Variants in NR6A1 observed in about 807,000 individuals in gnomAD.
The protein encoded by NR6A1 is retinoic acid receptor-related testis-associated receptor.
A neutral mutation model predicts 59.1 loss-of-function variants in NR6A1; 7 were observed. The observed-to-expected ratio is 0.12, with a 90% CI of 0.07 to 0.22. NR6A1 has a LOEUF of 0.22. Ranked by LOEUF, NR6A1 falls within the 10% of genes least tolerant of loss-of-function variation. The pLI, the probability that NR6A1 is intolerant of heterozygous loss-of-function variation, is 1.00. For synonymous variants in NR6A1, 243 were observed against 236.1 expected (o/e 1.03, Z -0.27); for missense variants, 468 against 611.6 (o/e 0.77, Z 2.48).
chr9:124,533,851 A>C (rs1445144043), intron 7 of NR6A1, among the ~76,000 whole-genome samples: 1 of 151,666 alleles, frequency 6.6e-6, no homozygotes, highest in Non-Finnish European at 1.5e-5. Context: ...GGGTTTCACC[A>C]TGTTAGCCAG....
intron 1 of NR6A1, among the ~76,000 whole-genome samples, chr9:124,765,316 G>A (rs1319864661): frequency 6.6e-6 from 1 of 152,112 alleles, no homozygotes; most frequent in South Asian, 2.1e-4. Flanking sequence ...TTTATAATTA[G>A]AATCATTTCT....
At chr9:124,568,179 A>AAG (rs1447598284) in intron 2 of NR6A1, among the ~76,000 whole-genome samples, 6 of 144,354 alleles carry the variant, frequency 4.2e-5, no homozygotes, top group Non-Finnish European at 7.5e-5. Flanking sequence ...CAAAAAAAAA[A>AAG]AAAAAAAAAA....
intron 2 of NR6A1, among the ~76,000 whole-genome samples, chr9:124,725,383 A>G (rs1377483084): frequency 6.6e-6 from 1 of 151,512 alleles, no homozygotes; most frequent in Non-Finnish European, 1.5e-5. Context: ...TTATCACACT[A>G]AAGGTATTTA....
At chr9:124,752,985 G>A (rs898094563) in intron 1 of NR6A1, among the ~76,000 whole-genome samples, 1 of 152,152 alleles carries the variant, frequency 6.6e-6, no homozygotes, top group Admixed American at 6.5e-5. Context: ...TAGGCAGTAA[G>A]GCCTGTGGGA....
At chr9:124,574,216 T>C (rs1034029090) in intron 2 of NR6A1, among the ~76,000 whole-genome samples, 1 of 152,212 alleles carries the variant, frequency 6.6e-6, no homozygotes, top group Non-Finnish European at 1.5e-5. Flanking sequence ...AATGGGTATA[T>C]GTATGAATGA....
At chr9:124,669,426 A>G (rs1339973791) in intron 2 of NR6A1, among the ~76,000 whole-genome samples, 3 of 152,186 alleles carry the variant, frequency 2.0e-5, no homozygotes, top group African/African-American at 7.2e-5. Context: ...TATATAAGAG[A>G]CTCAAAGTTG....
In NR6A1 at chr9:124,661,311, C is replaced by T. The variant is rs530919261; in HGVS notation, c.142+71997G>A. ...AGTGAATGAGGGAGAGATACTTCTC[C>T]AATCTCAAGAAACGAGCAGGGGGAA... On this transcript the variant is annotated intron_variant, in intron 2 of 9. Coordinates refer to ENST00000487099, the MANE Select transcript of NR6A1 (RefSeq NM_033334.4). 3.9e-5 allele frequency among the ~76,000 whole-genome samples: 6 copies of T among 152,274 alleles called. 1 individual carries two copies. In the South Asian group the frequency reaches 1.2e-3, roughly 32 times the overall value.
chr9:124,611,323 A>C (rs1835736355), intron 2 of NR6A1, among the ~76,000 whole-genome samples: 1 of 152,116 alleles, frequency 6.6e-6, no homozygotes, highest in Non-Finnish European at 1.5e-5. Flanking sequence ...CACGTTCTCT[A>C]CAAGAATCTC....
At chr9:124,712,533 G>T (rs1040340799) in intron 2 of NR6A1, among the ~76,000 whole-genome samples, 4 of 151,902 alleles carry the variant, frequency 2.6e-5, no homozygotes, top group African/African-American at 9.7e-5. Context: ...GCCTGAACCT[G>T]GGAGGCGAAG....
intron 1 of NR6A1, 103 bp downstream of exon 1, chr9:124,770,917 G>A (rs944365019): frequency 1.2e-5 from 8 of 652,924 alleles, no homozygotes; most frequent in Non-Finnish European, 1.7e-5. Context: ...CGGGGCCGCT[G>A]CGGCTTCCCA....
intron 2 of NR6A1, among the ~76,000 whole-genome samples, chr9:124,653,924 T>A (rs1030163134): frequency 1.3e-5 from 2 of 152,200 alleles, no homozygotes; most frequent in South Asian, 4.1e-4. Context: ...CGAGGACATA[T>A]GCTTCTAAAT....
At chr9:124,562,865 A>G (rs1834120271) in intron 2 of NR6A1, among the ~76,000 whole-genome samples, 2 of 152,356 alleles carry the variant, frequency 1.3e-5, no homozygotes, top group African/African-American at 4.8e-5. Flanking sequence ...CACCATTGAC[A>G]TGTGTCTGCT....
chr9:124,771,163 G>C lies in NR6A1; in HGVS notation c.-44C>G. Reference sequence around the variant, plus strand: ...CGCGCCGGGTTTGTTGCTCCGCCATGACCGGCGCCCTAGTCGCCGTGGTCG... The same window carrying C: ...CGCGCCGGGTTTGTTGCTCCGCCATCACCGGCGCCCTAGTCGCCGTGGTCG... On this transcript the variant is annotated 5_prime_UTR_variant, in exon 1 of 10. Transcript: ENST00000487099. 1 of 1,096,982 alleles carries C rather than the reference G, an allele frequency of 9.1e-7. No individual in the cohort carries two copies. Among genetic ancestry groups the C allele is most frequent in the South Asian group, 4.6e-5 (1 of 21,590 alleles). The allele number at this position is 1,096,982 out of a possible 1,614,324, so 68.0% of individuals were successfully genotyped here. A position where few individuals can be genotyped will look rare whatever the true frequency, so the allele number is the denominator to read the frequency against.
intron 2 of NR6A1, among the ~76,000 whole-genome samples, chr9:124,649,170 T>A (rs1236691219): frequency 2.3e-5 from 3 of 131,190 alleles, no homozygotes; most frequent in Non-Finnish European, 3.1e-5. Flanking sequence ...CAGGTGGAGG[T>A]ATCACACTAC....
intron 2 of NR6A1, among the ~76,000 whole-genome samples, chr9:124,610,353 G>A (rs1835703343): frequency 6.6e-6 from 1 of 152,168 alleles, no homozygotes; most frequent in South Asian, 2.1e-4. Flanking sequence ...CATCTTTTGA[G>A]ATAATCTGTG....
chr9:124,585,307 A>G (rs1834888056), intron 2 of NR6A1, among the ~76,000 whole-genome samples: 2 of 152,100 alleles, frequency 1.3e-5, no homozygotes, highest in Non-Finnish European at 2.9e-5. Flanking sequence ...TTTGGAGGCC[A>G]AGGCAGGCAG....
intron 2 of NR6A1, among the ~76,000 whole-genome samples, chr9:124,728,285 T>C (rs1041715686): frequency 5.9e-5 from 9 of 151,766 alleles, no homozygotes; most frequent in Non-Finnish European, 1.2e-4. Flanking sequence ...CACCTTGGCC[T>C]CCCAAAATGC....
At chr9:124,559,779 A>C (rs1834029063) in intron 2 of NR6A1, among the ~76,000 whole-genome samples, 1 of 152,202 alleles carries the variant, frequency 6.6e-6, no homozygotes, top group African/African-American at 2.4e-5. Flanking sequence ...TCCGTCAAAA[A>C]AGAAAATAAT....
chr9:124,722,568 G>A (rs1254559205), intron 2 of NR6A1, among the ~76,000 whole-genome samples: 1 of 152,126 alleles, frequency 6.6e-6, no homozygotes, highest in African/African-American at 2.4e-5. Context: ...ACAGTTGAAT[G>A]CAAAGCCAGA....
Sources: gnomAD v4.1 joint callset for allele counts (sites outside exome capture counted in the v4.1 genomes callset) on GRCh38, gnomAD v4.1.1 for gene constraint, MANE v1.5 for transcripts, NCBI Gene and HGNC (gene_info 2026-07-23, HGNC 2026-07-21) for gene names.